PLCL1: variants seen among roughly 807,000 people sequenced by gnomAD.
PLCL1 encodes phospholipase C like 1 (inactive), also known as inactive phospholipase C-like protein 1.
A neutral mutation model predicts 84.4 loss-of-function variants in PLCL1; 41 were observed. The observed-to-expected ratio is 0.49, with a 90% CI of 0.38 to 0.63. The LOEUF (loss-of-function observed/expected upper bound fraction) is 0.63. Among genes scored for constraint, PLCL1 ranks in the 30% least tolerant of loss-of-function variants. The pLI, the probability that PLCL1 is intolerant of heterozygous loss-of-function variation, is 0.00. For synonymous variants in PLCL1, 490 were observed against 488.3 expected, an observed-to-expected ratio of 1.00 and a Z score of -0.05; for missense variants, 1,206 against 1,367.8, an observed-to-expected ratio of 0.88 and a Z score of 1.87.
chr2:197,929,638 G>A (rs1013332604), intron 1 of PLCL1, among the ~76,000 whole-genome samples: 1 of 152,178 alleles, frequency 6.6e-6, no homozygotes, highest in African/African-American at 2.4e-5. Flanking sequence ...ATTGAAAGCT[G>A]GGCATTTGAT....
chr2:198,011,053 G>T (rs532063687), intron 1 of PLCL1, among the ~76,000 whole-genome samples: 1 of 150,756 alleles, frequency 6.6e-6, no homozygotes, highest in African/African-American at 2.4e-5. Context: ...CAATTTTGTT[G>T]TTTTTTTGGG....
intron 1 of PLCL1, among the ~76,000 whole-genome samples, chr2:197,871,022 T>G (rs1267267524): frequency 6.6e-6 from 1 of 152,068 alleles, no homozygotes; most frequent in Admixed American, 6.6e-5. Flanking sequence ...ACATTTTGTA[T>G]TGTGTAAAAT....
chr2:197,882,044 T>C (rs1687839620), intron 1 of PLCL1, among the ~76,000 whole-genome samples: 1 of 151,976 alleles, frequency 6.6e-6, no homozygotes, highest in African/African-American at 2.4e-5. Flanking sequence ...TGAGAGTGGG[T>C]TGGGAAAGGT....
At chr2:198,004,319 G>T (rs1308235103) in intron 1 of PLCL1, among the ~76,000 whole-genome samples, 1 of 152,154 alleles carries the variant, frequency 6.6e-6, no homozygotes, top group Non-Finnish European at 1.5e-5. Context: ...TAGTCATTCA[G>T]TTCCTTGATG....
intron 1 of PLCL1, among the ~76,000 whole-genome samples, chr2:197,875,917 G>A (rs907621649): frequency 2.0e-5 from 3 of 152,146 alleles, no homozygotes; most frequent in Non-Finnish European, 2.9e-5. Context: ...GAGAGTAAAT[G>A]TTTGGCTGAG....
chr2:197,831,126 C>T (rs1691049917), intron 1 of PLCL1, among the ~76,000 whole-genome samples: 2 of 152,094 alleles, frequency 1.3e-5, no homozygotes, highest in Admixed American at 1.3e-4. Context: ...GCAAAATAAC[C>T]AGCTAGCATC....
intron 5 of PLCL1, among the ~76,000 whole-genome samples, chr2:198,130,948 C>T (rs1694105508): frequency 6.6e-6 from 1 of 152,160 alleles, no homozygotes; most frequent in Non-Finnish European, 1.5e-5. Flanking sequence ...CTTCCTAAAG[C>T]CCTTCCAGGG....
At chr2:197,952,509 T>C (rs1383743671) in intron 1 of PLCL1, among the ~76,000 whole-genome samples, 1 of 152,200 alleles carries the variant, frequency 6.6e-6, no homozygotes, top group Non-Finnish European at 1.5e-5. Context: ...GTAAACGTCA[T>C]TAAATTTATT....
intron 1 of PLCL1, among the ~76,000 whole-genome samples, chr2:198,058,756 G>A (rs953434325): frequency 3.3e-5 from 5 of 151,902 alleles, no homozygotes; most frequent in South Asian, 2.1e-4. Context: ...AAAATTCTCC[G>A]TTCTTTTTAG....
At chr2:198,058,351 A>G (rs35563720) in intron 1 of PLCL1, among the ~76,000 whole-genome samples, 109,661 of 151,776 alleles carry the variant, frequency 0.72, 40,500 homozygotes, top group African/African-American at 0.87. Context: ...CCCAAATTAA[A>G]TATATCCCTT....
At chr2:197,922,619 G>C (rs1231081413) in intron 1 of PLCL1, among the ~76,000 whole-genome samples, 6 of 141,346 alleles carry the variant, frequency 4.2e-5, no homozygotes, top group Non-Finnish European at 9.4e-5. Flanking sequence ...CCTCCCGGAC[G>C]GGGCGGCTGG....
At chr2:198,140,207 A>G (rs953202018) in intron 5 of PLCL1, among the ~76,000 whole-genome samples, 4 of 152,108 alleles carry the variant, frequency 2.6e-5, no homozygotes, top group African/African-American at 4.8e-5. Context: ...AGTGGGTTTT[A>G]TTGAGTGATA....
intron 1 of PLCL1, among the ~76,000 whole-genome samples, chr2:197,882,902 C>T (rs923048976): frequency 6.6e-6 from 1 of 152,058 alleles, no homozygotes; most frequent in Admixed American, 6.6e-5. Flanking sequence ...ACTATGGCTA[C>T]CTGCAACATT....
intron 5 of PLCL1, among the ~76,000 whole-genome samples, chr2:198,125,829 A>C (rs1395397060): frequency 6.6e-6 from 1 of 152,158 alleles, no homozygotes; most frequent in Non-Finnish European, 1.5e-5. Context: ...TGTGTGAACA[A>C]AAAAATATGG....
intron 1 of PLCL1, among the ~76,000 whole-genome samples, chr2:197,819,254 C>A (rs1690758299): frequency 6.6e-6 from 1 of 152,054 alleles, no homozygotes; most frequent in African/African-American, 2.4e-5. Context: ...GTAGAGTAGA[C>A]CCACCCCCAG....
intron 1 of PLCL1, among the ~76,000 whole-genome samples, chr2:197,867,999 T>G (rs1687580728): frequency 6.6e-6 from 1 of 152,300 alleles, no homozygotes; most frequent in Non-Finnish European, 1.5e-5. Flanking sequence ...TGACAATGAT[T>G]GATCCTGTAG....
intron 1 of PLCL1, among the ~76,000 whole-genome samples, chr2:197,933,878 C>T (rs1270403319): frequency 6.6e-6 from 1 of 151,976 alleles, no homozygotes; most frequent in African/African-American, 2.4e-5. Context: ...TTCTTCCTTT[C>T]TATATATTTT....
intron 1 of PLCL1, among the ~76,000 whole-genome samples, chr2:197,848,461 T>A (rs1687162239): frequency 6.6e-6 from 1 of 152,204 alleles, no homozygotes; most frequent in African/African-American, 2.4e-5. Flanking sequence ...TGAGAGTTTT[T>A]CTTGTTGATT....
intron 1 of PLCL1, among the ~76,000 whole-genome samples, chr2:197,944,659 T>G (rs185979866): frequency 6.6e-6 from 1 of 152,334 alleles, no homozygotes; most frequent in East Asian, 1.9e-4. Context: ...CAATAACTCT[T>G]GCAAGCCGGT....
Sources: gnomAD v4.1 joint callset for allele counts (sites outside exome capture counted in the v4.1 genomes callset) on GRCh38, gnomAD v4.1.1 for gene constraint, MANE v1.5 for transcripts, NCBI Gene and HGNC (gene_info 2026-07-23, HGNC 2026-07-21) for gene names.